GABRG3: variants seen among roughly 807,000 people sequenced by gnomAD.
The protein encoded by GABRG3 is gamma-aminobutyric acid type A receptor subunit gamma3.
GABRG3 carries 25 observed loss-of-function variants against 48.8 expected under a neutral mutation model. The observed-to-expected ratio is 0.51, with a 90% CI of 0.37 to 0.72. The LOEUF is 0.72. Among genes scored for constraint, GABRG3 ranks in the 30% least tolerant of loss-of-function variants. The pLI is 0.00. For missense variants in GABRG3, 394 were observed against 577.9 expected (o/e 0.68, Z 3.26); for synonymous variants, 227 against 217.6 (o/e 1.04, Z -0.38).
chr15:27,500,319 C>T (rs1890589892), intron 6 of GABRG3, among the ~76,000 whole-genome samples: 1 of 152,152 alleles, frequency 6.6e-6, no homozygotes, highest in African/African-American at 2.4e-5. Context: ...CTCCCAGAAG[C>T]CAAGACAGCA....
chr15:27,347,415 T>C (rs966400684), intron 5 of GABRG3, among the ~76,000 whole-genome samples: 5 of 152,298 alleles, frequency 3.3e-5, no homozygotes, highest in African/African-American at 1.2e-4. Context: ...TCCTTTTCCC[T>C]TTCCCAGCTA....
intron 5 of GABRG3, among the ~76,000 whole-genome samples, chr15:27,439,472 C>A (rs1229139337): frequency 6.6e-6 from 1 of 152,172 alleles, no homozygotes; most frequent in Admixed American, 6.5e-5. Flanking sequence ...GATCATCTGT[C>A]CCCCTACAGA....
At chr15:27,429,687 C>T (rs575263143) in intron 5 of GABRG3, among the ~76,000 whole-genome samples, 15 of 152,158 alleles carry the variant, frequency 9.9e-5, no homozygotes, top group Non-Finnish European at 1.9e-4. Flanking sequence ...TGTGACTGAC[C>T]TCTTTCACTT....
chr15:27,365,748 A>T (rs1311222078), intron 5 of GABRG3: 1 of 152,186 alleles, frequency 6.6e-6, no homozygotes, highest in African/African-American at 2.4e-5. Flanking sequence ...GTGAGGACAG[A>T]ATTATTACTC....
chr15:27,368,867 T>C lies in GABRG3; in HGVS notation c.574+39979T>C, dbSNP rs1451041597. Among the ~76,000 whole-genome samples the C allele has an allele frequency of 2.0e-5, 3 of 152,186 alleles. No homozygotes were observed. In the East Asian group the frequency reaches 5.8e-4, roughly 29 times the overall value. On this transcript the variant is annotated intron_variant, in intron 5 of 9. Transcript: ENST00000615808. ...GAAGGTACTGGGGAATGGAAGGCAT[T>C]GAGGGGAAAGCTTGATGCCTCTCCC...
chr15:27,056,230 A>T (rs979523655), intron 3 of GABRG3, among the ~76,000 whole-genome samples: 1 of 151,644 alleles, frequency 6.6e-6, no homozygotes, highest in African/African-American at 2.4e-5. Context: ...ACACACCTGT[A>T]GTCCCAGCTA....
chr15:27,514,945 C>T (rs1357251210), intron 6 of GABRG3, among the ~76,000 whole-genome samples: 2 of 152,146 alleles, frequency 1.3e-5, no homozygotes, highest in East Asian at 3.9e-4. Context: ...AAAAGCAAAA[C>T]TTGTGTAAGG....
intron 3 of GABRG3, chr15:27,271,780 G>T: frequency 2.7e-6 from 1 of 366,276 alleles, no homozygotes; most frequent in Non-Finnish European, 5.5e-6. Flanking sequence ...GGACGCATAG[G>T]CAGGTGATGG....
intron 3 of GABRG3, among the ~76,000 whole-genome samples, chr15:27,098,023 G>T (rs946049752): frequency 2.0e-5 from 3 of 151,328 alleles, no homozygotes; most frequent in African/African-American, 7.3e-5. Context: ...CAAAGTCCTG[G>T]GTAACACACA....
At chr15:27,067,283 G>A (rs1002717580) in intron 3 of GABRG3, among the ~76,000 whole-genome samples, 2 of 152,184 alleles carry the variant, frequency 1.3e-5, no homozygotes, top group South Asian at 2.1e-4. Context: ...CTGGAAGTTC[G>A]TGTCTGTGTT....
intron 5 of GABRG3, among the ~76,000 whole-genome samples, chr15:27,461,268 C>G (rs1268385640): frequency 1.3e-5 from 2 of 152,154 alleles, no homozygotes; most frequent in Non-Finnish European, 2.9e-5. Context: ...CACATGTGTG[C>G]GTTATTTTTA....
At chr15:27,256,395 G>T (rs531562604) in intron 3 of GABRG3, among the ~76,000 whole-genome samples, 3 of 150,648 alleles carry the variant, frequency 2.0e-5, no homozygotes, top group African/African-American at 7.3e-5. Context: ...GAGCCGAGAT[G>T]GCGCCACTGC....
At chr15:27,462,907 T>C (rs1889492093) in intron 5 of GABRG3, among the ~76,000 whole-genome samples, 1 of 152,152 alleles carries the variant, frequency 6.6e-6, no homozygotes, top group Non-Finnish European at 1.5e-5. Context: ...AAAAACACTA[T>C]GTATTAAAGA....
intron 3 of GABRG3, among the ~76,000 whole-genome samples, chr15:27,214,087 G>T (rs9972311): frequency 6.6e-6 from 1 of 152,008 alleles, no homozygotes; most frequent in Admixed American, 6.6e-5. Context: ...GCTAACTGAG[G>T]CAATCTGGAG....
chr15:27,068,285 A>T (rs577251584), intron 3 of GABRG3, among the ~76,000 whole-genome samples: 3 of 152,328 alleles, frequency 2.0e-5, no homozygotes, highest in South Asian at 2.1e-4. Context: ...GCTGGGGGAG[A>T]TGCTCGCACT....
chr15:27,443,608 T>G (rs80326787), intron 5 of GABRG3, among the ~76,000 whole-genome samples: 5,511 of 152,294 alleles, frequency 0.036, 162 homozygotes, highest in Admixed American at 0.053. Context: ...ATGTTTTGCT[T>G]CTTCTTTTCC....
chr15:27,084,425 C>T (rs532995230), intron 3 of GABRG3, among the ~76,000 whole-genome samples: 65 of 152,344 alleles, frequency 4.3e-4, no homozygotes, highest in African/African-American at 1.5e-3. Flanking sequence ...CCCTGACCCT[C>T]AGCCAGAATG....
At chr15:27,055,226 C>T (rs1017363) in intron 3 of GABRG3, among the ~76,000 whole-genome samples, 82,574 of 151,860 alleles carry the variant, frequency 0.54, 26,704 homozygotes, top group Non-Finnish European at 0.73. Flanking sequence ...TGTCCCGCAC[C>T]GGAGCAGCTT....
intron 5 of GABRG3, among the ~76,000 whole-genome samples, chr15:27,424,803 C>G (rs749532275): frequency 6.6e-6 from 1 of 152,140 alleles, no homozygotes; most frequent in Non-Finnish European, 1.5e-5. Flanking sequence ...GTCTGCCCGT[C>G]TTGGCCTCCC....
Sources: gnomAD v4.1 joint callset for allele counts (sites outside exome capture counted in the v4.1 genomes callset) on GRCh38, gnomAD v4.1.1 for gene constraint, MANE v1.5 for transcripts, NCBI Gene and HGNC (gene_info 2026-07-23, HGNC 2026-07-21) for gene names.